The following RPL21 variants were observed in gnomAD, a reference collection of about 807,000 sequenced individuals.
RPL21 encodes ribosomal protein L21.
A neutral mutation model predicts 21.2 loss-of-function variants in RPL21; 1 was observed. That is an observed-to-expected ratio of 0.05 (90% confidence interval 0.02 to 0.22). The LOEUF (loss-of-function observed/expected upper bound fraction) is 0.22, where lower values mean the gene tolerates loss of function less well. RPL21 is among the 10% of genes least tolerant of loss of function. The probability of loss-of-function intolerance (pLI) is 1.00; values close to 1 mark genes in which losing one functional copy is unlikely to be tolerated. For missense variants in RPL21, 113 were observed against 199.4 expected, an observed-to-expected ratio of 0.57 and a Z score of 2.61; for synonymous variants, 52 against 62.9, an observed-to-expected ratio of 0.83 and a Z score of 0.82.
intron 1 of RPL21, among the ~76,000 whole-genome samples, chr13:27,253,085 A>G (rs1004580383): frequency 6.6e-6 from 1 of 152,218 alleles, no homozygotes; most frequent in Admixed American, 6.5e-5. Flanking sequence ...AGCATTGCTG[A>G]GTTCTTTGTA....
intron 3 of RPL21, 156 bp from the exon 4 acceptor site, chr13:27,255,086 T>A: frequency 1.3e-6 from 1 of 769,308 alleles, no homozygotes; most frequent in Non-Finnish European, 2.4e-6. Flanking sequence ...ACTGTTTTTT[T>A]TGATTGCTTG....
At chr13:27,255,172 T>G (rs1881838769) in intron 3 of RPL21, 70 bp from the exon 4 acceptor site, 1 of 792,388 alleles carries the variant, frequency 1.3e-6, no homozygotes, top group African/African-American at 1.7e-5. Context: ...TAGAATACTT[T>G]GCAGTTACTT....
intron 1 of RPL21, 130 bp downstream of exon 1, chr13:27,251,715 CG>C (rs1321445496): frequency 1.3e-5 from 2 of 152,552 alleles, no homozygotes; most frequent in African/African-American, 4.8e-5. Flanking sequence ...TTGGCATGGG[CG>C]GGTTAAACCA....
chr13:27,254,902 A>C (rs973607960), intron 3 of RPL21: 17 of 407,206 alleles, frequency 4.2e-5, no homozygotes, highest in Admixed American at 7.1e-5. Flanking sequence ...GCTAGTGGAA[A>C]TTGGGTGGTA....
chr13:27,253,392 T>C (rs1198648435), intron 1 of RPL21, among the ~76,000 whole-genome samples: 1 of 152,250 alleles, frequency 6.6e-6, no homozygotes, highest in Non-Finnish European at 1.5e-5. Flanking sequence ...TTTTATTGTG[T>C]TCTCCACTAA....
intron 1 of RPL21, chr13:27,251,865 G>GTTT (rs1881663048): frequency 1.3e-5 from 2 of 152,322 alleles, no homozygotes; most frequent in Non-Finnish European, 2.9e-5. Context: ...GGCGACTCGA[G>GTTT]TTAATCTTTA....
At chr13:27,256,090 A>C in intron 4 of RPL21, 94 bp from the exon 5 acceptor site, 1 of 923,576 alleles carries the variant, frequency 1.1e-6, no homozygotes, top group Non-Finnish European at 1.7e-6. Flanking sequence ...TAAAAGGTTT[A>C]TGGTTTATTT....
intron 4 of RPL21, 45 bp downstream of exon 4, chr13:27,255,399 T>C: frequency 3.7e-6 from 3 of 821,206 alleles, no homozygotes; most frequent in Non-Finnish European, 6.6e-6. Context: ...TATTCCCTCA[T>C]ATACCCCCTT....
intron 3 of RPL21, 63 bp downstream of exon 3, chr13:27,254,344 A>G: frequency 2.2e-6 from 2 of 909,236 alleles, no homozygotes; most frequent in Non-Finnish European, 1.8e-6. Flanking sequence ...AATCTAGTGT[A>G]GGAATTCAAA....
chr13:27,254,329 G>A, intron 3 of RPL21, 48 bp downstream of exon 3: 1 of 1,104,684 alleles, frequency 9.1e-7, no homozygotes, highest in South Asian at 1.2e-5. Flanking sequence ...AGAAAAGTTG[G>A]ATTTAATCTA....
Position 27,256,264 on chromosome 13 carries a change from G to A in RPL21, c.323G>A (p.Arg108His), listed in dbSNP as rs767673605. 4.4e-6 allele frequency: 7 copies of A among 1,587,932 alleles called. No homozygotes were observed. The highest frequency in any genetic ancestry group is 1.7e-5 in the Admixed American group (1 of 59,426). ...AAGAGCCGAGATAGCTTCCTGAAAC[G>A]TGTGAAGGAAAATGATCAGAAAAAG... ...HSKSRDSFLK[R>H]VKENDQKKKE... is the part of the protein sequence containing the mutation. The change falls in exon 5 of 6, where the codon CGT (arginine) becomes CAT (histidine). Residue 108 changes from arginine to histidine, a missense_variant. Transcript: ENST00000311549.
intron 4 of RPL21, chr13:27,255,751 C>G: frequency 1.7e-5 from 6 of 357,114 alleles, no homozygotes; most frequent in South Asian, 1.3e-4. Flanking sequence ...TTTTTGTATT[C>G]TTAGTAGAGA....
intron 1 of RPL21, among the ~76,000 whole-genome samples, chr13:27,253,203 G>A (rs111800434): frequency 3.9e-5 from 6 of 152,260 alleles, no homozygotes; most frequent in African/African-American, 1.4e-4. Context: ...TCAAATTTAG[G>A]TCAATGATTA....
chr13:27,254,981 G>A, intron 3 of RPL21: 3 of 620,986 alleles, frequency 4.8e-6, no homozygotes, highest in South Asian at 1.6e-5. Context: ...TATTGATGAA[G>A]ATTACTATTA....
At chr13:27,253,706 G>A (rs1881756153) in intron 1 of RPL21, 59 bp from the exon 2 acceptor site, 1 of 898,962 alleles carries the variant, frequency 1.1e-6, no homozygotes, top group South Asian at 1.3e-5. Flanking sequence ...GAAATTACAG[G>A]GGTTTGGGGC....
At chr13:27,253,881 A>G in intron 2 of RPL21, 38 bp downstream of exon 2, 1 of 1,168,540 alleles carries the variant, frequency 8.6e-7, no homozygotes, top group Non-Finnish European at 1.3e-6. Context: ...AGCATGGCAC[A>G]CATTTGTGTT....
chr13:27,252,232 A>AGG (rs1407592788), intron 1 of RPL21, among the ~76,000 whole-genome samples: 3 of 152,178 alleles, frequency 2.0e-5, no homozygotes, highest in African/African-American at 7.2e-5. Flanking sequence ...GATCGGACGA[A>AGG]GGGAAAGTGT....
rs752791519 is a variant in RPL21 at position 27,251,583 on chromosome 13, C to G, written c.-15C>G. ...CCTTTCGGCCGGAACCGCCATCTTC[C>G]AGGTAGGGCCTACGCGTGGCTCCCG... On this transcript the variant is annotated splice_region_variant and 5_prime_UTR_variant, in exon 1 of 6. Coordinates refer to ENST00000311549, the MANE Select transcript of RPL21 (RefSeq NM_000982.4). The G allele has an allele frequency of 2.6e-5, 4 of 152,390 alleles. No homozygotes were observed. Among genetic ancestry groups the G allele is most frequent in the Admixed American group, 1.3e-4 (2 of 15,292 alleles). 9.4% of individuals were successfully genotyped at this position (152,390 alleles called of 1,614,324 possible).
intron 3 of RPL21, chr13:27,254,538 G>A (rs1206680395): frequency 8.4e-6 from 4 of 475,446 alleles, no homozygotes; most frequent in Admixed American, 3.7e-5. Flanking sequence ...GGGATTACAG[G>A]CGTGCACCAT....
Sources: allele counts gnomAD v4.1 joint callset (sites outside exome capture counted in the v4.1 genomes callset), GRCh38; gene constraint gnomAD v4.1.1; transcripts MANE v1.5; gene names NCBI Gene and HGNC (gene_info 2026-07-23, HGNC 2026-07-21).